The following MYO5B variants were observed in gnomAD, a reference collection of about 807,000 sequenced individuals.
The protein encoded by MYO5B is unconventional myosin-Vb.
In MYO5B, 143 loss-of-function variants were observed where a neutral mutation model predicts 229.3. The ratio of observed to expected loss-of-function variants is 0.62; its 90% CI spans 0.54 to 0.72. The LOEUF is 0.72. Ranked by LOEUF, MYO5B falls within the 30% of genes least tolerant of loss-of-function variation. The probability of loss-of-function intolerance (pLI) is 0.00; values close to 1 mark genes in which losing one functional copy is unlikely to be tolerated. For synonymous variants in MYO5B, 918 were observed against 885.2 expected (o/e 1.04, Z -0.66); for missense variants, 2,321 against 2,331.0 (o/e 1.00, Z 0.09).
chr18:49,856,295 C>A (rs1358903494), intron 30 of MYO5B, among the ~76,000 whole-genome samples: 1 of 152,218 alleles, frequency 6.6e-6, no homozygotes, highest in Non-Finnish European at 1.5e-5. Context: ...CACTTGGCTG[C>A]CATCAGCTCC....
intron 1 of MYO5B, among the ~76,000 whole-genome samples, chr18:50,105,616 A>G (rs1009292379): frequency 6.6e-6 from 1 of 151,598 alleles, no homozygotes; most frequent in Non-Finnish European, 1.5e-5. Context: ...AAAAATTACT[A>G]TGTTTGCAGG....
chr18:50,059,922 G>A (rs1041395929), intron 1 of MYO5B, among the ~76,000 whole-genome samples: 5 of 152,168 alleles, frequency 3.3e-5, no homozygotes, highest in African/African-American at 1.2e-4. Context: ...AGTATATGAT[G>A]AGTATAAAAT....
At chr18:49,922,432 A>C (rs531534137) in intron 17 of MYO5B, among the ~76,000 whole-genome samples, 3 of 152,282 alleles carry the variant, frequency 2.0e-5, no homozygotes, top group African/African-American at 7.2e-5. Flanking sequence ...CCTCAAAGTA[A>C]ATGCCATCCT....
intron 1 of MYO5B, among the ~76,000 whole-genome samples, chr18:50,060,955 C>G (rs72915726): frequency 0.091 from 13,807 of 152,198 alleles, 730 homozygotes; most frequent in East Asian, 0.22. Flanking sequence ...GACTGGGTAA[C>G]AGATTTGAAG....
chr18:49,969,906 T>C (rs2025672473), intron 10 of MYO5B: 1 of 152,226 alleles, frequency 6.6e-6, no homozygotes, highest in African/African-American at 2.4e-5. Flanking sequence ...CCTGTGTTGC[T>C]CCCAGGCCAA....
At chr18:50,140,698 A>AG (rs1236229545) in intron 1 of MYO5B, among the ~76,000 whole-genome samples, 1 of 152,214 alleles carries the variant, frequency 6.6e-6, no homozygotes, top group Non-Finnish European at 1.5e-5. Flanking sequence ...TTGAAGTAGA[A>AG]GGGGGTGCAA....
chr18:50,096,734 A>G (rs2031558884), intron 1 of MYO5B, among the ~76,000 whole-genome samples: 1 of 152,156 alleles, frequency 6.6e-6, no homozygotes, highest in Admixed American at 6.5e-5. Context: ...TTAAAAAATC[A>G]TCATCACCGT....
intron 33 of MYO5B, among the ~76,000 whole-genome samples, chr18:49,845,843 C>A (rs1568607203): frequency 1.3e-5 from 2 of 152,180 alleles, no homozygotes; most frequent in East Asian, 3.9e-4. Flanking sequence ...GCTGGTACGA[C>A]TGGCAAAGCA....
chr18:50,179,784 C>T (rs1177610268), intron 1 of MYO5B, among the ~76,000 whole-genome samples: 2 of 152,172 alleles, frequency 1.3e-5, no homozygotes, highest in Admixed American at 1.3e-4. Flanking sequence ...ACCAGCTAAG[C>T]CTGGTTCCCG....
intron 5 of MYO5B, among the ~76,000 whole-genome samples, chr18:49,998,094 G>A (rs1164414533): frequency 6.6e-6 from 1 of 152,068 alleles, no homozygotes; most frequent in African/African-American, 2.4e-5. Flanking sequence ...CTCTTTCTCT[G>A]CTTGGCAACA....
At chr18:50,081,784 T>TAAA (rs143100037) in intron 1 of MYO5B, among the ~76,000 whole-genome samples, 9 of 150,260 alleles carry the variant, frequency 6.0e-5, no homozygotes, top group Non-Finnish European at 1.3e-4. Context: ...TAATCTTTGT[T>TAAA]AAAAAAAAAA....
chr18:50,095,265 T>G (rs1295582213), intron 1 of MYO5B, among the ~76,000 whole-genome samples: 1 of 152,214 alleles, frequency 6.6e-6, no homozygotes, highest in Admixed American at 6.5e-5. Context: ...ACAAAGCCAT[T>G]TATTTATCCT....
chr18:50,036,023 C>T (rs1041214665), intron 4 of MYO5B, among the ~76,000 whole-genome samples: 4 of 152,232 alleles, frequency 2.6e-5, no homozygotes, highest in African/African-American at 9.6e-5. Context: ...TCTCCCCCTA[C>T]AAAAATCACT....
chr18:50,066,289 AC>A (rs774628995), intron 1 of MYO5B, among the ~76,000 whole-genome samples: 57 of 152,298 alleles, frequency 3.7e-4, no homozygotes, highest in Admixed American at 7.2e-4. Context: ...CATTTGTCCT[AC>A]CACTATCCCC....
chr18:49,887,714 T>A (rs1463920003), intron 22 of MYO5B, among the ~76,000 whole-genome samples: 1 of 152,178 alleles, frequency 6.6e-6, no homozygotes, highest in Non-Finnish European at 1.5e-5. Flanking sequence ...GGAGTCTCCC[T>A]CTGTCACCCA....
At chr18:49,871,347 G>A (rs1167599467) in intron 27 of MYO5B, among the ~76,000 whole-genome samples, 1 of 152,178 alleles carries the variant, frequency 6.6e-6, no homozygotes, top group African/African-American at 2.4e-5. Context: ...ATGGAGATAA[G>A]TGCTGGTGAG....
rs1407268330 is a variant in MYO5B at position 49,894,972 on chromosome 18, G to T, written c.3014C>A (p.Ala1005Asp). Residue 1005 changes from alanine to aspartate, a missense_variant, in exon 22 of 40, where the codon GCC (alanine) becomes GAC (aspartate). Physicochemically the swap from Ala to Asp is moderately radical, Grantham distance 126. Around this residue, in one of 2 missense-constraint regions of MYO5B, gnomAD observed 2,113 missense variants for 2,044.7 expected, o/e 1.03. Transcript: ENST00000285039. ...CAGCTCATCTTTCTCCCTGCTGTGG[G>T]CGTCCTCCAAGATCTTGCGCTCCGA... The part of the protein sequence containing the change: ...AHSERKILED[A>D]HSREKDELRK... The T allele has an allele frequency of 1.2e-6, 2 of 1,613,448 alleles. No homozygotes were observed. The highest frequency in any genetic ancestry group is 2.2e-5 in the South Asian group (2 of 91,070).
chr18:50,031,451 G>A (rs1013867136), intron 4 of MYO5B, among the ~76,000 whole-genome samples: 1 of 152,190 alleles, frequency 6.6e-6, no homozygotes, highest in Admixed American at 6.5e-5. Context: ...GCAACTCTGA[G>A]AATTAGATGC....
intron 1 of MYO5B, among the ~76,000 whole-genome samples, chr18:50,129,416 G>A (rs1568118223): frequency 6.6e-6 from 1 of 152,182 alleles, no homozygotes; most frequent in African/African-American, 2.4e-5. Flanking sequence ...AAAGGAAACA[G>A]GAAATGAACT....
Sources: allele counts gnomAD v4.1 joint callset (sites outside exome capture counted in the v4.1 genomes callset), GRCh38; gene constraint gnomAD v4.1.1; regional missense constraint gnomAD v4.1.1; transcripts MANE v1.5; gene names NCBI Gene and HGNC (gene_info 2026-07-23, HGNC 2026-07-21).